Variants in DMD observed in about 807,000 individuals in gnomAD.
DMD encodes the protein mutant dystrophin.
Under a neutral mutation model 330.1 loss-of-function variants are expected in DMD, and 63 were observed. The observed-to-expected ratio is 0.19, with a 90% CI of 0.16 to 0.24. The LOEUF (loss-of-function observed/expected upper bound fraction) is 0.24, where lower values mean the gene tolerates loss of function less well. Among genes scored for constraint, DMD ranks in the 10% least tolerant of loss-of-function variants. The pLI is 1.00. For missense variants in DMD, 3,344 were observed against 2,684.1 expected, an observed-to-expected ratio of 1.25 and a Z score of -5.43; for synonymous variants, 1,223 against 959.8, an observed-to-expected ratio of 1.27 and a Z score of -5.07.
intron 17 of DMD, among the ~76,000 whole-genome samples, chrX:32,544,396 G>T (rs1039550548): frequency 8.1e-5 from 9 of 111,517 alleles, no homozygotes; most frequent in Non-Finnish European, 1.7e-4. Context: ...CTAAACATAT[G>T]CTGCTTAAAA....
intron 30 of DMD, among the ~76,000 whole-genome samples, chrX:32,399,469 T>A (rs1384019641): frequency 9.0e-6 from 1 of 111,345 alleles, no homozygotes; most frequent in Non-Finnish European, 1.9e-5. Flanking sequence ...GACAAACGGG[T>A]ATATGAAAAG....
intron 60 of DMD, chrX:31,435,592 A>G (rs771579937): frequency 8.9e-6 from 1 of 112,182 alleles, no homozygotes; most frequent in African/African-American, 3.2e-5. Flanking sequence ...GCTAGTTTCC[A>G]TTCCCCTTTA....
intron 47 of DMD, among the ~76,000 whole-genome samples, chrX:31,889,684 C>T (rs1374048692): frequency 5.0e-5 from 4 of 79,633 alleles, no homozygotes; most frequent in Non-Finnish European, 1.0e-4. Context: ...CACACACACG[C>T]ACACCACAGA....
chrX:31,572,728 T>C, intron 55 of DMD, among the ~76,000 whole-genome samples: 1 of 112,162 alleles, frequency 8.9e-6, no homozygotes. Flanking sequence ...ATGCATTTTT[T>C]ACTGAATGAT....
chrX:32,619,795 G>A (rs1213947611), intron 11 of DMD, among the ~76,000 whole-genome samples: 1 of 111,361 alleles, frequency 9.0e-6, no homozygotes, highest in Non-Finnish European at 1.9e-5. Context: ...GAAGGAGCCA[G>A]GACCTAACAA....
At position 33,211,274 on chromosome X, in the gene DMD, G is replaced by T. The variant is rs758445699; in HGVS notation, c.31+8C>A. 8.3e-7 allele frequency: 1 copy of T among 1,207,272 alleles called. No individual in the cohort carries two copies. The highest frequency in any genetic ancestry group is 1.1e-6 in the Non-Finnish European group (1 of 893,125). On this transcript the variant is annotated splice_region_variant and intron_variant, in intron 1 of 78. Coordinates refer to ENST00000357033, the MANE Select transcript of DMD (RefSeq NM_004006.3). ...AGTAAAATATATTTTTAGTTACTTT[G>T]TACTTACAACAGTCCTCTACTTCTT... is the stretch of plus-strand genomic sequence containing the variant.
At chrX:32,004,499 T>C (rs1346013499) in intron 44 of DMD, among the ~76,000 whole-genome samples, 4 of 111,903 alleles carry the variant, frequency 3.6e-5, no homozygotes, top group Non-Finnish European at 7.5e-5. Context: ...GTGGTTTTTA[T>C]TGATCTTATA....
chrX:31,163,618 C>G (rs1452679095), intron 74 of DMD, among the ~76,000 whole-genome samples: 4 of 111,641 alleles, frequency 3.6e-5, no homozygotes, highest in Non-Finnish European at 7.5e-5. Context: ...AACATTCATT[C>G]CATTATGCTT....
At chrX:32,480,130 G>C (rs2041696341) in intron 21 of DMD, among the ~76,000 whole-genome samples, 1 of 111,391 alleles carries the variant, frequency 9.0e-6, no homozygotes, top group Non-Finnish European at 1.9e-5. Context: ...GCAATAAGAG[G>C]CACCAATGGC....
At chrX:32,863,549 C>T (rs1030750935) in intron 2 of DMD, among the ~76,000 whole-genome samples, 1 of 98,987 alleles carries the variant, frequency 1.0e-5, no homozygotes, top group African/African-American at 4.1e-5. Flanking sequence ...CACACACACA[C>T]ACACACACAC....
chrX:32,417,440 G>T lies in DMD; in HGVS notation c.4072-5527C>A, dbSNP rs142538410. Among the ~76,000 whole-genome samples, 9 of 111,521 alleles carry T rather than the reference G, an allele frequency of 8.1e-5. No homozygotes were observed. In the East Asian group the frequency reaches 2.3e-3, roughly 28 times the overall value. On this transcript the variant is annotated intron_variant, in intron 29 of 78. Transcript: ENST00000357033. ...AGACCACTGATCACAGGGTCTGGGA[G>T]TCCAGAGTAGATAGGGATGACACCT...
chrX:32,422,653 C>A (rs2098194939), intron 29 of DMD, among the ~76,000 whole-genome samples: 1 of 111,489 alleles, frequency 9.0e-6, no homozygotes, highest in South Asian at 3.7e-4. Flanking sequence ...TAAATATATG[C>A]ATTTTATGAT....
chrX:32,464,507 C>A (rs2098394659), intron 24 of DMD, 79 bp downstream of exon 24: 1 of 780,122 alleles, frequency 1.3e-6, no homozygotes, highest in Non-Finnish European at 2.0e-6. Context: ...AAAATCCACC[C>A]CAGCTGTAAA....
chrX:32,336,001 TA>T lies in DMD; in HGVS notation c.5922+6098del, dbSNP rs1426640516. Among the ~76,000 whole-genome samples the T allele has an allele frequency of 2.9e-4, 11 of 37,566 alleles. No homozygotes were observed. The East Asian group carries it at 7.6e-3, about 26-fold the overall frequency. The allele number at this position is 37,566 out of a possible 115,157, so 32.6% of individuals were successfully genotyped here. A position where few individuals can be genotyped will look rare whatever the true frequency, so the allele number is the denominator to read the frequency against. On this transcript the variant is annotated intron_variant, in intron 41 of 78. Transcript: ENST00000357033. ...ACATGTTATATATAACGTGTATATATAACGTTATATATAACGTGTATATATA... is the reference window on the plus strand; with the variant it reads ...ACATGTTATATATAACGTGTATATATACGTTATATATAACGTGTATATATA...
intron 44 of DMD, among the ~76,000 whole-genome samples, chrX:32,132,070 T>C (rs1435399307): frequency 8.9e-6 from 1 of 112,214 alleles, no homozygotes; most frequent in Non-Finnish European, 1.9e-5. Context: ...CTTTTTAATC[T>C]ATATGTGTTC....
chrX:31,910,307 C>G (rs766321974), intron 47 of DMD, among the ~76,000 whole-genome samples: 11 of 110,027 alleles, frequency 1.0e-4, no homozygotes, highest in Non-Finnish European at 1.9e-4. Context: ...GCCAGGCAAG[C>G]AAGGAATTCA....
chrX:32,044,632 C>T (rs2096046065), intron 44 of DMD, among the ~76,000 whole-genome samples: 1 of 109,739 alleles, frequency 9.1e-6, no homozygotes, highest in African/African-American at 3.3e-5. Context: ...CTGTGTTAGC[C>T]AGGATGGTCT....
chrX:31,703,537 G>C (rs999558558), intron 52 of DMD, among the ~76,000 whole-genome samples: 9 of 112,032 alleles, frequency 8.0e-5, no homozygotes, highest in African/African-American at 2.9e-4. Context: ...GCCATTCCAT[G>C]CTACCTTGTG....
intron 50 of DMD, among the ~76,000 whole-genome samples, chrX:31,789,602 C>T (rs1452946299): frequency 9.0e-6 from 1 of 111,023 alleles, no homozygotes; most frequent in Non-Finnish European, 1.9e-5. Context: ...GAAAATCATG[C>T]TATTTTTTTC....
Sources: allele counts gnomAD v4.1 joint callset (sites outside exome capture counted in the v4.1 genomes callset), GRCh38; gene constraint gnomAD v4.1.1; transcripts MANE v1.5; gene names NCBI Gene and HGNC (gene_info 2026-07-23, HGNC 2026-07-21).